The following WBP2NL variants were observed in gnomAD, a reference collection of about 807,000 sequenced individuals.
The protein encoded by WBP2NL is postacrosomal sheath WW domain-binding protein.
WBP2NL carries 27 observed loss-of-function variants against 23.3 expected under a neutral mutation model. The observed-to-expected ratio is 1.16, with a 90% confidence interval of 0.85 to 1.60. WBP2NL has a LOEUF of 1.60. Among genes scored for constraint, WBP2NL ranks in the 40% most tolerant of loss-of-function variants. The probability of loss-of-function intolerance (pLI) is 0.00; values close to 1 mark genes in which losing one functional copy is unlikely to be tolerated. For synonymous variants in WBP2NL, 151 were observed against 145.9 expected (o/e 1.03, Z -0.25); for missense variants, 370 against 389.5 (o/e 0.95, Z 0.42).
intron 1 of WBP2NL, among the ~76,000 whole-genome samples, chr22:42,016,130 T>A (rs956414604): frequency 2.0e-5 from 3 of 151,916 alleles, no homozygotes. Flanking sequence ...TACAGACACA[T>A]GCCACCAGGC....
chr22:42,004,847 C>T (rs1261128351), intron 1 of WBP2NL, among the ~76,000 whole-genome samples: 5 of 152,094 alleles, frequency 3.3e-5, no homozygotes, highest in Non-Finnish European at 5.9e-5. Flanking sequence ...TCGCTTGAAC[C>T]TGAGAGGCTG....
At chr22:41,999,031 C>A in intron 1 of WBP2NL, 151 bp downstream of exon 1, 1 of 957,334 alleles carries the variant, frequency 1.0e-6, no homozygotes, top group Non-Finnish European at 1.5e-6. Context: ...GGAGCGCGCG[C>A]CCCTCACTGG....
At chr22:42,003,857 A>G (rs983708960) in intron 1 of WBP2NL, among the ~76,000 whole-genome samples, 2 of 152,250 alleles carry the variant, frequency 1.3e-5, no homozygotes, top group African/African-American at 4.8e-5. Context: ...AAATTGAAGG[A>G]AGAACAAACA....
In WBP2NL at chr22:42,041,782, G is replaced by T. The variant is rs1425518633; in HGVS notation, c.*273+10959G>T. 2.0e-5 allele frequency among the ~76,000 whole-genome samples: 3 copies of T among 152,206 alleles called. No homozygotes were observed. In the South Asian group the frequency reaches 6.2e-4, roughly 32 times the overall value. ...TTTGTATTTGACTATATTTACCTTT[G>T]CCTGTGAGATTTATGCTTTCACATT... On this transcript the variant is annotated intron_variant and NMD_transcript_variant, in intron 8 of 8. Coordinates refer to the WBP2NL transcript ENST00000436265.
At chr22:42,048,906 C>T (rs1226899129) in intron 8 of WBP2NL, among the ~76,000 whole-genome samples, 1 of 152,144 alleles carries the variant, frequency 6.6e-6, no homozygotes, top group African/African-American at 2.4e-5. Flanking sequence ...TGCTTTCTTG[C>T]TAAGATCAGG....
At chr22:42,035,870 T>C (rs1415381627), downstream of WBP2NL, among the ~76,000 whole-genome samples, 1 of 152,230 alleles carries the variant, frequency 6.6e-6, no homozygotes, top group Admixed American at 6.5e-5. Context: ...TTCTATAGTT[T>C]GACTATTTTA....
intron 4 of WBP2NL, among the ~76,000 whole-genome samples, chr22:42,020,914 T>A (rs1193421323): frequency 4.7e-4 from 30 of 64,438 alleles, no homozygotes; most frequent in Non-Finnish European, 8.3e-4. Flanking sequence ...ATATATTTTT[T>A]TTTTTTTTTT....
chr22:42,037,856 T>A (rs1439454682), downstream of WBP2NL, among the ~76,000 whole-genome samples: 4 of 145,744 alleles, frequency 2.7e-5, no homozygotes, highest in African/African-American at 5.5e-5. Flanking sequence ...TGAGAGTGTG[T>A]GTGTGTGTGT....
chr22:42,020,868 GTATATATA>G (rs1335645142), intron 4 of WBP2NL, among the ~76,000 whole-genome samples: 25 of 15,230 alleles, frequency 1.6e-3, no homozygotes, highest in South Asian at 4.1e-3. Context: ...GTGTGTGTGT[GTATATATA>G]TATATATATA....
intron 1 of WBP2NL, among the ~76,000 whole-genome samples, chr22:42,004,406 C>A (rs914701510): frequency 6.6e-6 from 1 of 152,248 alleles, no homozygotes; most frequent in Non-Finnish European, 1.5e-5. Context: ...CCAGCCTGGG[C>A]AACATAGTAA....
chr22:42,010,593 C>T (rs1922715826), intron 1 of WBP2NL, among the ~76,000 whole-genome samples: 1 of 151,956 alleles, frequency 6.6e-6, no homozygotes, highest in African/African-American at 2.4e-5. Flanking sequence ...GGCTGGAGTG[C>T]AGTGGCGCAA....
intron 8 of WBP2NL, among the ~76,000 whole-genome samples, chr22:42,047,856 T>A (rs1057403910): frequency 6.6e-6 from 1 of 151,364 alleles, no homozygotes. Context: ...CTCCTGACCT[T>A]GTGGTCCGCC....
At chr22:42,047,707 C>T (rs994442908) in intron 8 of WBP2NL, among the ~76,000 whole-genome samples, 1 of 150,570 alleles carries the variant, frequency 6.6e-6, no homozygotes, top group African/African-American at 2.4e-5. Context: ...CTGCAAGCTC[C>T]GCCTCCCGGG....
downstream of WBP2NL, among the ~76,000 whole-genome samples, chr22:42,033,133 G>T (rs1257060724): frequency 6.6e-6 from 1 of 152,160 alleles, no homozygotes; most frequent in African/African-American, 2.4e-5. Context: ...GTGGGGAAGT[G>T]TGGGGTCTGG....
intron 1 of WBP2NL, chr22:42,000,992 CA>C (rs959840987): frequency 1.1e-3 from 531 of 497,180 alleles, no homozygotes; most frequent in South Asian, 1.7e-3. Flanking sequence ...GACTCCGTCT[CA>C]AAAAAAAAGA....
At chr22:42,034,835 T>C (rs1449569910), downstream of WBP2NL, among the ~76,000 whole-genome samples, 1 of 152,250 alleles carries the variant, frequency 6.6e-6, no homozygotes, top group Non-Finnish European at 1.5e-5. Flanking sequence ...GAAATATGGC[T>C]CTGTTCTGCC....
rs1924562278 is a variant in WBP2NL at position 42,026,927 on chromosome 22, G to C, written c.676G>C (p.Ala226Pro). Residue 226 changes from alanine to proline, a missense_variant, in exon 6 of 6, where the codon GCC becomes CCC. Ala to Pro is a conservative substitution (Grantham distance 27). Transcript: ENST00000328823. ...TGGAGCCCCACCTCTTGGATACGGA[G>C]CCCCACCTGCAGGATATGGAGCCCC... is the stretch of plus-strand genomic sequence containing the variant. ...RYGAPPLGYG[A>P]PPAGYGAPPL... 4 of 1,613,136 alleles carry C rather than the reference G, an allele frequency of 2.5e-6. No homozygotes were observed. Among genetic ancestry groups the C allele is most frequent in the African/African-American group, 2.7e-5 (2 of 74,664 alleles).
downstream of WBP2NL, among the ~76,000 whole-genome samples, chr22:42,037,887 A>G: frequency 6.9e-6 from 1 of 145,544 alleles, no homozygotes; most frequent in Admixed American, 6.8e-5. Flanking sequence ...GTGTGTTTGT[A>G]GTCTTTTGAG....
intron 1 of WBP2NL, among the ~76,000 whole-genome samples, chr22:42,009,490 A>G (rs902947546): frequency 6.6e-6 from 1 of 152,150 alleles, no homozygotes; most frequent in African/African-American, 2.4e-5. Flanking sequence ...ATTTTTGCAT[A>G]CTATGTAAGA....
Sources: gnomAD v4.1 joint callset for allele counts (sites outside exome capture counted in the v4.1 genomes callset) on GRCh38, gnomAD v4.1.1 for gene constraint, MANE v1.5 for transcripts, NCBI Gene and HGNC (gene_info 2026-07-23, HGNC 2026-07-21) for gene names.